The following CSMD1 variants were observed in gnomAD, a reference collection of about 807,000 sequenced individuals.
The protein encoded by CSMD1 is CUB and sushi domain-containing protein 1.
A neutral mutation model predicts 417.5 loss-of-function variants in CSMD1; 213 were observed. The observed-to-expected ratio is 0.51, with a 90% CI of 0.46 to 0.57. The LOEUF is 0.57. CSMD1 is among the 20% of genes least tolerant of loss of function. CSMD1 has a pLI of 0.00. For synonymous variants in CSMD1, 2,862 were observed against 1,736.8 expected (o/e 1.65, Z -16.11); for missense variants, 6,923 against 4,529.7 (o/e 1.53, Z -15.17).
At chr8:3,890,251 T>C (rs938680195) in intron 5 of CSMD1, among the ~76,000 whole-genome samples, 6 of 152,220 alleles carry the variant, frequency 3.9e-5, no homozygotes, top group Non-Finnish European at 8.8e-5. Flanking sequence ...TTGTTCAAAC[T>C]TGCAAAGAAA....
chr8:4,754,540 CTT>C (rs1447652497), intron 1 of CSMD1, among the ~76,000 whole-genome samples: 2 of 136,378 alleles, frequency 1.5e-5, no homozygotes, highest in African/African-American at 6.2e-5. Context: ...GTACTGCACA[CTT>C]TGTTTTTTTT....
At chr8:4,624,515 T>C (rs1217817660) in intron 2 of CSMD1, among the ~76,000 whole-genome samples, 6 of 152,130 alleles carry the variant, frequency 3.9e-5, no homozygotes, top group Admixed American at 1.3e-4. Context: ...CACAGGTGCA[T>C]TGCCTTTGGC....
chr8:4,776,690 C>T (rs750921288), intron 1 of CSMD1, among the ~76,000 whole-genome samples: 3 of 152,136 alleles, frequency 2.0e-5, no homozygotes, highest in Admixed American at 6.6e-5. Context: ...AGGGAGACAA[C>T]CAGAACACTG....
rs529877446 is a variant in CSMD1 at position 2,981,786 on chromosome 8, A to G, written c.8378-2986T>C. On this transcript the variant is annotated intron_variant, in intron 54 of 69. Coordinates refer to ENST00000635120, the MANE Select transcript of CSMD1 (RefSeq NM_033225.6). ...AAAGAAGAAATTAATACCGGGATCA[A>G]TAACAGGTCCAAAGTCACAATGACA... Among the ~76,000 whole-genome samples the G allele has an allele frequency of 4.6e-5, 7 of 152,326 alleles. No homozygotes were observed. In the East Asian group the frequency reaches 1.2e-3, roughly 25 times the overall value.
chr8:3,368,835 A>G (rs1428246905), intron 19 of CSMD1, among the ~76,000 whole-genome samples: 1 of 152,238 alleles, frequency 6.6e-6, no homozygotes, highest in Non-Finnish European at 1.5e-5. Flanking sequence ...TAAATTATTC[A>G]TTATGTATGA....
At chr8:4,146,667 A>G (rs1357873833) in intron 3 of CSMD1, among the ~76,000 whole-genome samples, 1 of 115,190 alleles carries the variant, frequency 8.7e-6, no homozygotes, top group Non-Finnish European at 1.6e-5. Context: ...GCTGGAGCGC[A>G]GTGGTGTGAT....
chr8:4,260,847 G>T (rs1803830478), intron 3 of CSMD1, among the ~76,000 whole-genome samples: 1 of 152,050 alleles, frequency 6.6e-6, no homozygotes, highest in Admixed American at 6.5e-5. Flanking sequence ...TCCAATAATT[G>T]TTTTTTGTTA....
At chr8:3,736,295 G>A (rs903557067) in intron 6 of CSMD1, among the ~76,000 whole-genome samples, 5 of 152,016 alleles carry the variant, frequency 3.3e-5, no homozygotes, top group Non-Finnish European at 7.4e-5. Flanking sequence ...AGGCTAGAGT[G>A]CAGTGGGGCA....
chr8:3,570,902 G>T (rs187065689), intron 10 of CSMD1, among the ~76,000 whole-genome samples: 1 of 152,132 alleles, frequency 6.6e-6, no homozygotes, highest in Non-Finnish European at 1.5e-5. Flanking sequence ...CTTCTTTTTA[G>T]ATAGAATTTC....
At chr8:3,186,007 T>A (rs192993632) in intron 36 of CSMD1, among the ~76,000 whole-genome samples, 1 of 152,208 alleles carries the variant, frequency 6.6e-6, no homozygotes, top group East Asian at 1.9e-4. Flanking sequence ...AATTTATTTT[T>A]CCCAGGTAGC....
At chr8:3,302,396 T>A (rs1238543469) in intron 25 of CSMD1, among the ~76,000 whole-genome samples, 1 of 152,206 alleles carries the variant, frequency 6.6e-6, no homozygotes, top group Non-Finnish European at 1.5e-5. Context: ...CCTGGCTGCC[T>A]ATCTAAGGTC....
chr8:4,255,171 T>C (rs1033414197), intron 3 of CSMD1, among the ~76,000 whole-genome samples: 1 of 152,218 alleles, frequency 6.6e-6, no homozygotes, highest in Non-Finnish European at 1.5e-5. Flanking sequence ...CTTTATCCCA[T>C]GCTGGAAAGA....
rs1295438570 is a variant in CSMD1 at position 3,389,102 on chromosome 8, T to TTTG, written c.2594-1423_2594-1421dup. On this transcript the variant is annotated intron_variant, in intron 17 of 69. Coordinates refer to ENST00000635120, the MANE Select transcript of CSMD1 (RefSeq NM_033225.6). ...AAACCCAGTGCTGGGTGAATGATTT[T>TTTG]TTGTTGTTGTTGTTTGTTTACTTTT... 5.3e-5 allele frequency among the ~76,000 whole-genome samples: 8 copies of TTTG among 152,310 alleles called. No individual in the cohort carries two copies. The East Asian group carries it at 1.2e-3, about 22-fold the overall frequency.
intron 3 of CSMD1, among the ~76,000 whole-genome samples, chr8:4,203,650 G>A (rs1013206147): frequency 1.3e-5 from 2 of 152,036 alleles, no homozygotes; most frequent in Non-Finnish European, 2.9e-5. Flanking sequence ...TACACACATT[G>A]GAAGTTGGTT....
intron 2 of CSMD1, among the ~76,000 whole-genome samples, chr8:4,634,558 T>C (rs765518266): frequency 4.5e-4 from 69 of 152,206 alleles, no homozygotes; most frequent in Non-Finnish European, 6.8e-4. Context: ...CAATAACTTT[T>C]GTGACATCTC....
At chr8:4,220,863 TA>T (rs1800988055) in intron 3 of CSMD1, among the ~76,000 whole-genome samples, 1 of 152,062 alleles carries the variant, frequency 6.6e-6, no homozygotes, top group South Asian at 2.1e-4. Flanking sequence ...TAGCTTGGGG[TA>T]ACAAGTAAGA....
chr8:4,289,428 T>A (rs979419320), intron 3 of CSMD1, among the ~76,000 whole-genome samples: 4 of 152,212 alleles, frequency 2.6e-5, no homozygotes, highest in Non-Finnish European at 4.4e-5. Context: ...TTTCTCCTAT[T>A]TTTTGCACAA....
At chr8:3,239,046 A>G (rs1799331094) in intron 26 of CSMD1, among the ~76,000 whole-genome samples, 1 of 152,204 alleles carries the variant, frequency 6.6e-6, no homozygotes, top group African/African-American at 2.4e-5. Context: ...GAACATCTAT[A>G]CAGGAGTTTA....
intron 1 of CSMD1, among the ~76,000 whole-genome samples, chr8:4,897,591 G>C (rs533042872): frequency 2.0e-5 from 3 of 152,114 alleles, no homozygotes; most frequent in South Asian, 2.1e-4. Flanking sequence ...TAAATTCTTA[G>C]TGACCAATAC....
Sources: allele counts gnomAD v4.1 joint callset (sites outside exome capture counted in the v4.1 genomes callset), GRCh38; gene constraint gnomAD v4.1.1; transcripts MANE v1.5; gene names NCBI Gene and HGNC (gene_info 2026-07-23, HGNC 2026-07-21).